MAP4K2: variants seen among roughly 807,000 people sequenced by gnomAD.
The protein encoded by MAP4K2 is B lymphocyte serine/threonine protein kinase.
A neutral mutation model predicts 125.3 loss-of-function variants in MAP4K2; 85 were observed. That is an observed-to-expected ratio of 0.68 (90% confidence interval 0.57 to 0.81). The LOEUF (loss-of-function observed/expected upper bound fraction) is 0.81, where lower values mean the gene tolerates loss of function less well. Ranked by LOEUF, MAP4K2 falls within the 40% of genes least tolerant of loss-of-function variation. The pLI is 0.00. For synonymous variants in MAP4K2, 479 were observed against 445.1 expected, an observed-to-expected ratio of 1.08 and a Z score of -0.96; for missense variants, 923 against 1,056.4, an observed-to-expected ratio of 0.87 and a Z score of 1.75.
chr11:64,792,231 G>A lies in MAP4K2; in HGVS notation c.1855C>T (p.Pro619Ser), dbSNP rs1472770331. The change falls in exon 26 of 32, where the codon CCC (proline) becomes TCC (serine). Residue 619 changes from proline (P) to serine (S), a missense_variant. This residue lies in a region of MAP4K2 where 833 missense variants were observed against 911.4 expected (regional missense o/e 0.91). Coordinates refer to ENST00000294066, the MANE Select transcript of MAP4K2 (RefSeq NM_004579.5). ...TGATFLLAAL[P>S]TSLLLLQWYE... ...CACTGCAGCAGGAGCAGGCTGGTGG[G>A]CAGGGCGGCCAGCAGGAAGGTGGCA... 6.2e-7 allele frequency: 1 copy of A among 1,612,146 alleles called. No homozygotes were observed. The highest frequency in any genetic ancestry group is 1.7e-5 in the Admixed American group (1 of 59,970).
In MAP4K2 at chr11:64,788,192, C is replaced by G. The variant is rs571902020; in HGVS notation, c.*1345G>C. 1 of 152,418 alleles carries G rather than the reference C, an allele frequency of 6.6e-6. No homozygotes were observed. The highest frequency in any genetic ancestry group is 2.4e-5 in the African/African-American group (1 of 41,458). The allele number at this position is 152,418 out of a possible 1,614,324, so 9.4% of individuals were successfully genotyped here. On this transcript the variant is annotated 3_prime_UTR_variant, in exon 32 of 32. Coordinates refer to ENST00000294066, the MANE Select transcript of MAP4K2 (RefSeq NM_004579.5). ...GCTGCCATCCACCTACCACGTCACTCCGCAAGTCTTTATTGCCACCCACCA... is the reference window on the plus strand; with the variant it reads ...GCTGCCATCCACCTACCACGTCACTGCGCAAGTCTTTATTGCCACCCACCA...
rs776354625 is a variant in MAP4K2, at chr11:64,802,208, A to T, written c.311-87T>A. ...ACCGTGTGTGGGAAAAGCAGCAGGC[A>T]CTGTTAAATGAAAGCGGTGTTGGCC... On this transcript the variant is annotated intron_variant, in intron 4 of 31. Transcript: ENST00000294066. The T allele has an allele frequency of 2.4e-5, 32 of 1,327,242 alleles. No individual in the cohort carries two copies. In the Admixed American group the frequency reaches 6.1e-4, roughly 25 times the overall value. The allele number at this position is 1,327,242 out of a possible 1,614,324, so 82.2% of individuals were successfully genotyped here.
chr11:64,799,374 T>C (rs755197639), intron 14 of MAP4K2, 47 bp downstream of exon 14: 1 of 1,604,578 alleles, frequency 6.2e-7, no homozygotes, highest in Non-Finnish European at 8.5e-7. Flanking sequence ...CCGACCTCCC[T>C]GCCCCACCTC....
chr11:64,789,784 A>G lies in MAP4K2; in HGVS notation c.2321T>C (p.Val774Ala). Residue 774 changes from valine (V) to alanine (A), a missense_variant and splice_region_variant, in exon 31 of 32, where the codon GTG (valine) becomes GCG (alanine). Val to Ala is a moderately conservative substitution (Grantham distance 64). This residue lies in a region of MAP4K2 where 90 missense variants were observed against 144.9 expected (regional missense o/e 0.62). Coordinates refer to ENST00000294066, the MANE Select transcript of MAP4K2 (RefSeq NM_004579.5). ...TGTTTCATCTGTGATCTCCTGGGTCACCTGGGAAGACAGGTGGGAAGCACT... is the reference window on the plus strand; with the variant it reads ...TGTTTCATCTGTGATCTCCTGGGTCGCCTGGGAAGACAGGTGGGAAGCACT... Reference protein sequence around the residue: ...MQGRSLDTNEVTQEITDETRI... With the variant: ...MQGRSLDTNEATQEITDETRI... 2 of 1,614,126 alleles carry G rather than the reference A, an allele frequency of 1.2e-6. No individual in the cohort carries two copies. The highest frequency in any genetic ancestry group is 1.7e-6 in the Non-Finnish European group (2 of 1,180,002).
intron 24 of MAP4K2, among the ~76,000 whole-genome samples, chr11:64,793,178 C>T (rs1210416845): frequency 6.6e-6 from 1 of 151,304 alleles, no homozygotes; most frequent in Admixed American, 6.6e-5. Context: ...ATTGTGCCAT[C>T]GGACTCCAGC....
intron 30 of MAP4K2, 32 bp from the exon 31 acceptor site, chr11:64,789,817 C>T: frequency 6.2e-7 from 1 of 1,614,116 alleles, no homozygotes; most frequent in Non-Finnish European, 8.5e-7. Context: ...ACTGAGGCCA[C>T]TCCAGTAGGT....
intron 14 of MAP4K2, 67 bp downstream of exon 14, chr11:64,799,354 C>A: frequency 6.4e-7 from 1 of 1,573,834 alleles, no homozygotes; most frequent in South Asian, 1.1e-5. Context: ...TTGAGCTGCT[C>A]GGCCTCCATC....
intron 15 of MAP4K2, among the ~76,000 whole-genome samples, chr11:64,798,357 G>A (rs1940954361): frequency 6.6e-6 from 1 of 151,934 alleles, no homozygotes; most frequent in African/African-American, 2.4e-5. Flanking sequence ...CTAGAGACGG[G>A]CTTTCACCAT....
Position 64,803,035 on chromosome 11 carries a change from C to T in MAP4K2, c.96+19G>A. ...GGGCTGGCACCCTCCTCCCGGCTCTCCCGCCCGTCCCGTCGCACCTTGTAG... is the reference window on the plus strand; with the variant it reads ...GGGCTGGCACCCTCCTCCCGGCTCTTCCGCCCGTCCCGTCGCACCTTGTAG... On this transcript the variant is annotated intron_variant, in intron 1 of 31. Coordinates refer to ENST00000294066, the MANE Select transcript of MAP4K2 (RefSeq NM_004579.5). The T allele has an allele frequency of 6.3e-7, 1 of 1,599,670 alleles. No individual in the cohort carries two copies. Among genetic ancestry groups the T allele is most frequent in the Non-Finnish European group, 8.5e-7 (1 of 1,176,318 alleles).
At chr11:64,801,413 C>A (rs577371082) in intron 7 of MAP4K2, among the ~76,000 whole-genome samples, 166 bp downstream of exon 7, 45 of 152,180 alleles carry the variant, frequency 3.0e-4, no homozygotes, top group Non-Finnish European at 5.9e-4. Context: ...CAGACCCAAC[C>A]TCCTCTATTT....
rs1940248563 is a variant in MAP4K2, at chr11:64,787,558, C to T, written c.*1979G>A. 1 of 152,176 alleles carries T rather than the reference C, an allele frequency of 6.6e-6. No homozygotes were observed. The highest frequency in any genetic ancestry group is 1.5e-5 in the Non-Finnish European group (1 of 68,034). The allele number at this position is 152,176 out of a possible 1,614,324, so 9.4% of individuals were successfully genotyped here. ...ATATGTACCATGGGCAAAGGTTACG[C>T]ATTTAAAAATACATAAATAAAATTT... On this transcript the variant is annotated 3_prime_UTR_variant, in exon 32 of 32. Coordinates refer to ENST00000294066, the MANE Select transcript of MAP4K2 (RefSeq NM_004579.5).
chr11:64,796,541 G>A lies in MAP4K2; in HGVS notation c.1585C>T (p.Arg529Cys), dbSNP rs751113191. 7 of 1,613,946 alleles carry A rather than the reference G, an allele frequency of 4.3e-6. No individual in the cohort carries two copies. The highest frequency in any genetic ancestry group is 1.1e-5 in the South Asian group (1 of 91,086). Reference sequence around the variant, plus strand: ...TTCACGCAGTAGAGCCAGGAGCAGCGATGTGAAATCAGCTGGAGGCCACAG... The same window carrying A: ...TTCACGCAGTAGAGCCAGGAGCAGCAATGTGAAATCAGCTGGAGGCCACAG... Reference protein sequence around the residue: ...EDTLEKLISHRCSWLYCVNNV... With the variant: ...EDTLEKLISHCCSWLYCVNNV... The change falls in exon 23 of 32, where the codon CGC (arginine) becomes TGC (cysteine). Residue 529 changes from arginine to cysteine, a missense_variant. By Grantham distance (180) the Arg-to-Cys change is radical. Coordinates refer to ENST00000294066, the MANE Select transcript of MAP4K2 (RefSeq NM_004579.5).
rs1940797630 is a variant in MAP4K2 at position 64,796,350 on chromosome 11, C to T, written c.1674G>A (p.Leu558=). The T allele has an allele frequency of 6.4e-7, 1 of 1,571,904 alleles. No homozygotes were observed. Among genetic ancestry groups the T allele is most frequent in the Non-Finnish European group, 8.6e-7 (1 of 1,157,940 alleles). The change falls in exon 24 of 32, where the codon CTG becomes CTA. Residue 558 remains leucine, a synonymous_variant. Transcript: ENST00000294066. ...THIWAHDLPG[L]FEQRRLQQQV... ...GTTGCTGTAGCCTCCGCTGCTCAAACAGGCCTGGGAGGTCATGGGCCCAGA... is the reference window on the plus strand; with the variant it reads ...GTTGCTGTAGCCTCCGCTGCTCAAATAGGCCTGGGAGGTCATGGGCCCAGA...
rs775113865 is a variant in MAP4K2 at position 64,802,439 on chromosome 11, G to A, written c.290C>T (p.Ser97Phe). 2 of 1,500,054 alleles carry A rather than the reference G, an allele frequency of 1.3e-6. No individual in the cohort carries two copies. Among genetic ancestry groups the A allele is most frequent in the Admixed American group, 4.8e-5 (2 of 42,062 alleles). The allele number at this position is 1,500,054 out of a possible 1,614,324, so 92.9% of individuals were successfully genotyped here. ...CTCACCATGGTAAATCTCCTGCAGGGAGCCCCCTCCGCAGAACTCCATGCA... is the reference window on the plus strand; with the variant it reads ...CTCACCATGGTAAATCTCCTGCAGGAAGCCCCCTCCGCAGAACTCCATGCA... ...WICMEFCGGG[S>F]LQEIYHATGP... The change falls in exon 4 of 32, where the codon TCC becomes TTC. Residue 97 changes from serine to phenylalanine, a missense_variant. By Grantham distance (155) the Ser-to-Phe change is radical. This residue lies in a region of MAP4K2 where 833 missense variants were observed against 911.4 expected (regional missense o/e 0.91). Coordinates refer to ENST00000294066, the MANE Select transcript of MAP4K2 (RefSeq NM_004579.5).
chr11:64,789,323 T>A lies in MAP4K2; in HGVS notation c.*214A>T. 4 of 568,760 alleles carry A rather than the reference T, an allele frequency of 7.0e-6. No homozygotes were observed. In the South Asian group the frequency reaches 8.3e-5, roughly 12 times the overall value. 35.2% of individuals were successfully genotyped at this position (568,760 alleles called of 1,614,324 possible). ...CTGGGCTGCCTCGGGGATGGGGGAG[T>A]GACAGCAGCTCCCCCTGGTCCAGTT... On this transcript the variant is annotated 3_prime_UTR_variant, in exon 32 of 32. Transcript: ENST00000294066.
chr11:64,789,796 A>G lies in MAP4K2; in HGVS notation c.2320-11T>C. 2 of 1,614,096 alleles carry G rather than the reference A, an allele frequency of 1.2e-6. No homozygotes were observed. The highest frequency in any genetic ancestry group is 1.7e-6 in the Non-Finnish European group (2 of 1,179,998). On this transcript the variant is annotated splice_polypyrimidine_tract_variant and intron_variant, in intron 30 of 31. Transcript: ENST00000294066. ...GATCTCCTGGGTCACCTGGGAAGAC[A>G]GGTGGGAAGCACTGAGGCCACTCCA...
chr11:64,801,193 G>C lies in MAP4K2; in HGVS notation c.458-10C>G. On this transcript the variant is annotated splice_polypyrimidine_tract_variant and intron_variant, in intron 7 of 31. Coordinates refer to ENST00000294066, the MANE Select transcript of MAP4K2 (RefSeq NM_004579.5). ...GACACCCCAAAGTCAGCTGTGGGGA[G>C]AAACAGCCACTCTCACCAGCCCTCT... 5 of 1,610,538 alleles carry C rather than the reference G, an allele frequency of 3.1e-6. No individual in the cohort carries two copies. Among genetic ancestry groups the C allele is most frequent in the Non-Finnish European group, 4.2e-6 (5 of 1,179,384 alleles).
rs1477898704 is a variant in MAP4K2, at chr11:64,800,361, C to T, written c.757G>A (p.Ala253Thr). 4.3e-6 allele frequency: 7 copies of T among 1,614,068 alleles called. No individual in the cohort carries two copies. Among genetic ancestry groups the T allele is most frequent in the South Asian group, 1.1e-5 (1 of 91,082 alleles). ...CTCTTCTTAGGATTCTTGGTCAGGG[C>T]CAGTTTGAGAAAGTGGTGGAAATTC... The part of the protein sequence containing the change: ...TQNFHHFLKL[A>T]LTKNPKKRPT... The change falls in exon 11 of 32, where the codon GCC becomes ACC. Residue 253 changes from alanine to threonine, a missense_variant. This residue lies in a region of MAP4K2 where 833 missense variants were observed against 911.4 expected (regional missense o/e 0.91). Transcript: ENST00000294066.
In MAP4K2 at chr11:64,784,918, T is replaced by C. The variant is rs1940171475; in HGVS notation, c.*4619A>G. ...AATATATCCAACAAAGACAGGTACA[T>C]GAATGTTTATAGCAGCTTTATTTGT... On this transcript the variant is annotated 3_prime_UTR_variant, in exon 32 of 32. Transcript: ENST00000294066. 1 of 152,098 alleles carries C rather than the reference T, an allele frequency of 6.6e-6. No individual in the cohort carries two copies. Among genetic ancestry groups the C allele is most frequent in the Non-Finnish European group, 1.5e-5 (1 of 68,014 alleles). The allele number at this position is 152,098 out of a possible 1,614,324, so 9.4% of individuals were successfully genotyped here. A position where few individuals can be genotyped will look rare whatever the true frequency, so the allele number is the denominator to read the frequency against.
Sources: gnomAD v4.1 joint callset for allele counts (sites outside exome capture counted in the v4.1 genomes callset) on GRCh38, gnomAD v4.1.1 for gene constraint, gnomAD v4.1.1 regional missense constraint, MANE v1.5 for transcripts, NCBI Gene and HGNC (gene_info 2026-07-23, HGNC 2026-07-21) for gene names.